The following MYRIP variants were observed in gnomAD, a reference collection of about 807,000 sequenced individuals.
The protein encoded by MYRIP is myosin VIIA and Rab interacting protein.
A neutral mutation model predicts 98.0 loss-of-function variants in MYRIP; 49 were observed. The ratio of observed to expected loss-of-function variants is 0.50; its 90% confidence interval spans 0.40 to 0.63. The LOEUF (loss-of-function observed/expected upper bound fraction) is 0.63. Among genes scored for constraint, MYRIP ranks in the 30% least tolerant of loss-of-function variants. The pLI is 0.00. For missense variants in MYRIP, 1,004 were observed against 1,058.2 expected (o/e 0.95, Z 0.71); for synonymous variants, 404 against 409.5 (o/e 0.99, Z 0.16).
chr3:40,138,643 T>C (rs1192964783), intron 3 of MYRIP, among the ~76,000 whole-genome samples: 1 of 152,216 alleles, frequency 6.6e-6, no homozygotes, highest in Non-Finnish European at 1.5e-5. Flanking sequence ...GTTATAAAGT[T>C]CCATGCCTTT....
Position 40,137,314 on chromosome 3 carries a change from G to C in MYRIP, c.333-13734G>C, listed in dbSNP as rs182360115. Reference sequence around the variant, plus strand: ...ATGGATAAATTCCTCGACACATACAGTCTCCCAAGACTAAACCAGGAAGAA... The same window carrying C: ...ATGGATAAATTCCTCGACACATACACTCTCCCAAGACTAAACCAGGAAGAA... On this transcript the variant is annotated intron_variant, in intron 3 of 16. Transcript: ENST00000302541. Among the ~76,000 whole-genome samples, 189 of 152,164 alleles carry C rather than the reference G, an allele frequency of 1.2e-3. 1 individual carries two copies. The highest frequency in any genetic ancestry group is 4.0e-3 in the African/African-American group (165 of 41,510).
chr3:39,869,774 A>G (rs1438610964), intron 1 of MYRIP, among the ~76,000 whole-genome samples: 1 of 151,740 alleles, frequency 6.6e-6, no homozygotes, highest in Admixed American at 6.6e-5. Context: ...CCTCCCCCAA[A>G]CTCCTCATCT....
intron 1 of MYRIP, among the ~76,000 whole-genome samples, chr3:39,895,173 T>A (rs1483560122): frequency 1.3e-5 from 2 of 152,012 alleles, no homozygotes; most frequent in Non-Finnish European, 2.9e-5. Flanking sequence ...TTCCCTAGAT[T>A]TTTGCTTGCA....
chr3:40,146,454 A>T (rs796406923), intron 3 of MYRIP, among the ~76,000 whole-genome samples: 1 of 152,184 alleles, frequency 6.6e-6, no homozygotes, highest in Admixed American at 6.5e-5. Context: ...TTTTCTCTTC[A>T]TTGAAGTCAG....
rs1948261339 is a variant in MYRIP, at chr3:40,072,848, A to G, written c.332+28577A>G. Among the ~76,000 whole-genome samples the G allele has an allele frequency of 4.6e-5, 7 of 151,938 alleles. No individual in the cohort carries two copies. The South Asian group carries it at 1.5e-3, about 32-fold the overall frequency. On this transcript the variant is annotated intron_variant, in intron 3 of 16. Transcript: ENST00000302541. ...TGTTCTTTTTTAAAAAAAAATGTAT[A>G]TTGTGCAGTTGTTGGATATAGAGAC...
intron 1 of MYRIP, among the ~76,000 whole-genome samples, chr3:39,891,154 C>T (rs1216736557): frequency 6.6e-6 from 1 of 152,066 alleles, no homozygotes; most frequent in Non-Finnish European, 1.5e-5. Flanking sequence ...TACTGACTTT[C>T]ACCCTGCCAA....
chr3:40,170,472 T>G (rs568021167), intron 8 of MYRIP, among the ~76,000 whole-genome samples: 1 of 152,264 alleles, frequency 6.6e-6, no homozygotes, highest in Admixed American at 6.5e-5. Flanking sequence ...AACTGAAAAG[T>G]GACAGCGAGA....
At chr3:40,221,439 T>C (rs1265636723) in intron 11 of MYRIP, among the ~76,000 whole-genome samples, 1 of 152,144 alleles carries the variant, frequency 6.6e-6, no homozygotes, top group Non-Finnish European at 1.5e-5. Flanking sequence ...GAGACCAGCT[T>C]GGGCGATGTA....
At chr3:39,858,063 A>G (rs79405446) in intron 1 of MYRIP, among the ~76,000 whole-genome samples, 1,537 of 152,294 alleles carry the variant, frequency 0.01, 28 homozygotes, top group African/African-American at 0.035. Context: ...TTAAACATAA[A>G]TGGATTTCAT....
rs1449133467 is a variant in MYRIP at position 40,167,144 on chromosome 3, C to T, written c.649-15C>T. 4 of 1,613,608 alleles carry T rather than the reference C, an allele frequency of 2.5e-6. No individual in the cohort carries two copies. The East Asian group carries it at 8.9e-5, about 36-fold the overall frequency. On this transcript the variant is annotated splice_polypyrimidine_tract_variant and intron_variant, in intron 6 of 16. Transcript: ENST00000302541. Reference sequence around the variant, plus strand: ...AATCCACCCACAGCACACAGCCATTCTCTTCCCTCCTCAGGACAAGCAAAA... The same window carrying T: ...AATCCACCCACAGCACACAGCCATTTTCTTCCCTCCTCAGGACAAGCAAAA...
intron 2 of MYRIP, among the ~76,000 whole-genome samples, chr3:40,007,858 T>G (rs937830274): frequency 6.6e-6 from 1 of 152,222 alleles, no homozygotes; most frequent in Non-Finnish European, 1.5e-5. Flanking sequence ...TTAAGTCCTT[T>G]GATTGGATGA....
At chr3:39,941,066 T>G (rs1412687654) in intron 2 of MYRIP, among the ~76,000 whole-genome samples, 1 of 152,088 alleles carries the variant, frequency 6.6e-6, no homozygotes, top group African/African-American at 2.4e-5. Context: ...ACTGTCTGGC[T>G]GGGGTCACTA....
intron 2 of MYRIP, among the ~76,000 whole-genome samples, chr3:39,933,291 A>G (rs1352982107): frequency 6.6e-6 from 1 of 152,236 alleles, no homozygotes; most frequent in Admixed American, 6.5e-5. Flanking sequence ...GTGCTACAAA[A>G]GCAGAGTTGA....
intron 1 of MYRIP, among the ~76,000 whole-genome samples, chr3:39,843,835 C>G (rs1941879934): frequency 6.6e-6 from 1 of 152,180 alleles, no homozygotes; most frequent in Non-Finnish European, 1.5e-5. Context: ...ATAGTGCTAG[C>G]CTCTGCTATT....
intron 2 of MYRIP, among the ~76,000 whole-genome samples, chr3:39,924,707 A>C (rs1345175830): frequency 6.6e-6 from 1 of 152,104 alleles, no homozygotes; most frequent in Middle Eastern, 3.2e-3. Flanking sequence ...TATTGAGACC[A>C]TATTCTGGGC....
chr3:40,154,482 A>C (rs1950179321), intron 4 of MYRIP, among the ~76,000 whole-genome samples: 1 of 152,194 alleles, frequency 6.6e-6, no homozygotes, highest in Admixed American at 6.5e-5. Context: ...TTTATAAATA[A>C]AATAATGTCC....
chr3:40,137,134 T>C (rs1368647878), intron 3 of MYRIP, among the ~76,000 whole-genome samples: 1 of 152,116 alleles, frequency 6.6e-6, no homozygotes. Flanking sequence ...GATAGACTGC[T>C]AGCAAGACTA....
At chr3:39,959,253 G>T (rs569813345) in intron 2 of MYRIP, among the ~76,000 whole-genome samples, 1 of 124,220 alleles carries the variant, frequency 8.1e-6, no homozygotes, top group Admixed American at 8.4e-5. Flanking sequence ...ATTCACAATA[G>T]CAAAGACTTG....
chr3:39,957,779 C>T (rs2125727498), intron 2 of MYRIP, among the ~76,000 whole-genome samples: 1 of 152,226 alleles, frequency 6.6e-6, no homozygotes, highest in African/African-American at 2.4e-5. Flanking sequence ...TTTAGAAAAC[C>T]CCATTGTCTC....
Sources: gnomAD v4.1 joint callset for allele counts (sites outside exome capture counted in the v4.1 genomes callset) on GRCh38, gnomAD v4.1.1 for gene constraint, MANE v1.5 for transcripts, NCBI Gene and HGNC (gene_info 2026-07-23, HGNC 2026-07-21) for gene names.